MAP4K1: variants seen among roughly 807,000 people sequenced by gnomAD.
MAP4K1 encodes mitogen-activated protein kinase kinase kinase kinase 1.
MAP4K1 carries 35 observed loss-of-function variants against 122.8 expected under a neutral mutation model. That is an observed-to-expected ratio of 0.29 (90% CI 0.22 to 0.38). The LOEUF (loss-of-function observed/expected upper bound fraction) is 0.38, where lower values mean the gene tolerates loss of function less well. MAP4K1 is among the 10% of genes least tolerant of loss of function. The pLI is 1.00. For missense variants in MAP4K1, 791 were observed against 1,072.6 expected, an observed-to-expected ratio of 0.74 and a Z score of 3.67; for synonymous variants, 412 against 421.3, an observed-to-expected ratio of 0.98 and a Z score of 0.27.
At chr19:38,615,801 G>A (rs563468479) in intron 4 of MAP4K1, among the ~76,000 whole-genome samples, 1 of 152,160 alleles carries the variant, frequency 6.6e-6, no homozygotes, top group Admixed American at 6.6e-5. Flanking sequence ...GGGATTACAG[G>A]CGTCTGCCAC....
In MAP4K1 at chr19:38,612,605, G is replaced by T. The variant is rs1478580893; in HGVS notation, c.665+6C>A. ...CTCTGGGCCTGGGGACCCCACGCCTGCCTACCTGAGAGGGTGCACATCAAA... is the reference window on the plus strand; with the variant it reads ...CTCTGGGCCTGGGGACCCCACGCCTTCCTACCTGAGAGGGTGCACATCAAA... On this transcript the variant is annotated splice_donor_region_variant and intron_variant, in intron 9 of 30. Transcript: ENST00000396857. 2 of 1,611,378 alleles carry T rather than the reference G, an allele frequency of 1.2e-6. No homozygotes were observed. Among genetic ancestry groups the T allele is most frequent in the Non-Finnish European group, 1.7e-6 (2 of 1,179,528 alleles).
chr19:38,593,110 C>T (rs896274198), intron 30 of MAP4K1, among the ~76,000 whole-genome samples, 172 bp downstream of exon 30: 5 of 152,130 alleles, frequency 3.3e-5, no homozygotes, highest in African/African-American at 9.6e-5. Flanking sequence ...AAAGAGAGAA[C>T]GCCCCCGTGG....
At chr19:38,596,969 G>C in intron 25 of MAP4K1, 65 bp downstream of exon 25, 1 of 1,455,626 alleles carries the variant, frequency 6.9e-7, no homozygotes, top group Non-Finnish European at 9.6e-7. Flanking sequence ...TGATAGAAGC[G>C]CAAAGGGTGC....
At chr19:38,601,766 TATCCTAAATCATCAGC>T in intron 19 of MAP4K1, 1 of 485,982 alleles carries the variant, frequency 2.1e-6, no homozygotes, top group Non-Finnish European at 3.6e-6. Context: ...TTTCCTCCAC[TATCCTAAATCATCAGC>T]ATTTGTTTTT....
Position 38,611,124 on chromosome 19 carries a change from G to A in MAP4K1, c.737C>T (p.Ala246Val). 1 of 1,613,528 alleles carries A rather than the reference G, an allele frequency of 6.2e-7. No homozygotes were observed. The highest frequency in any genetic ancestry group is 8.5e-7 in the Non-Finnish European group (1 of 1,179,766). ...AGTGACTTTGATGAAGTTGTGGAAGGCAGCCGACCTTGGGAAGAAGAAGCC... is the reference window on the plus strand; with the variant it reads ...AGTGACTTTGATGAAGTTGTGGAAGACAGCCGACCTTGGGAAGAAGAAGCC... ...RLKEKGKWSA[A>V]FHNFIKVTLT... The change falls in exon 11 of 31, where the codon GCC becomes GTC. Residue 246 changes from alanine to valine, a missense_variant. Ala to Val is a moderately conservative substitution (Grantham distance 64). Around this residue, in one of 4 missense-constraint regions of MAP4K1, gnomAD observed 303 missense variants for 344.8 expected, o/e 0.88. Transcript: ENST00000396857.
intron 25 of MAP4K1, among the ~76,000 whole-genome samples, chr19:38,596,697 C>T (rs775059493): frequency 5.3e-5 from 8 of 152,162 alleles, no homozygotes; most frequent in Admixed American, 2.0e-4. Flanking sequence ...GGGCATGCCA[C>T]CTTGGCGGCA....
Position 38,597,382 on chromosome 19 carries a change from T to C in MAP4K1, c.1781A>G (p.Lys594Arg), listed in dbSNP as rs1568625365. 1 of 1,614,052 alleles carries C rather than the reference T, an allele frequency of 6.2e-7. No individual in the cohort carries two copies. The highest frequency in any genetic ancestry group is 1.3e-5 in the African/African-American group (1 of 75,030). ...HISPHRLLAR[K>R]NMVSTKIQDT... is the part of the protein sequence containing the mutation. The stretch of plus-strand genomic sequence containing the variant: ...CTGGATCTTGGTGGAAACCATGTTC[T>C]TCCTGGAGAATAGGTAGGTGTGAAG... The change falls in exon 24 of 31, where the codon AAG becomes AGG. Residue 594 changes from lysine to arginine, a missense_variant and splice_region_variant. By Grantham distance (26) the Lys-to-Arg change is conservative. Transcript: ENST00000396857. This position sits in a 1 kb window ranked among gnomAD's most constrained non-coding sequence, Gnocchi z 4.6.
chr19:38,603,295 CAT>C (rs565196023), intron 19 of MAP4K1, among the ~76,000 whole-genome samples: 243 of 145,312 alleles, frequency 1.7e-3, no homozygotes, highest in Middle Eastern at 3.8e-3. Flanking sequence ...TACACACACA[CAT>C]ACATGTATAC....
intron 30 of MAP4K1, among the ~76,000 whole-genome samples, chr19:38,589,937 G>A (rs1176253899): frequency 6.6e-6 from 1 of 151,966 alleles, no homozygotes. Flanking sequence ...GGTTGAGGTG[G>A]GAGGACTGAT....
chr19:38,603,191 TATACATATATACAC>T (rs1255973218), intron 19 of MAP4K1, among the ~76,000 whole-genome samples: 45 of 149,386 alleles, frequency 3.0e-4, no homozygotes, highest in African/African-American at 3.7e-4. Context: ...TATATACGCA[TATACATATATACAC>T]ATACATATAT....
chr19:38,612,570 T>C, intron 9 of MAP4K1, 41 bp downstream of exon 9: 3 of 1,598,574 alleles, frequency 1.9e-6, no homozygotes, highest in South Asian at 1.1e-5. Flanking sequence ...GGGCCAGGGC[T>C]AGACAGGATC....
chr19:38,591,227 G>A (rs1012224703), intron 30 of MAP4K1, among the ~76,000 whole-genome samples: 1 of 151,382 alleles, frequency 6.6e-6, no homozygotes, highest in East Asian at 1.9e-4. Context: ...AGGCAAATGC[G>A]GTTAAAAAGA....
intron 4 of MAP4K1, among the ~76,000 whole-genome samples, chr19:38,615,718 G>A (rs1284628448): frequency 6.6e-6 from 1 of 152,056 alleles, no homozygotes; most frequent in Non-Finnish European, 1.5e-5. Context: ...TTGAGGTCTA[G>A]GGCTGGAAGG....
intron 22 of MAP4K1, among the ~76,000 whole-genome samples, chr19:38,598,001 C>T (rs1195452410): frequency 6.6e-6 from 1 of 151,924 alleles, no homozygotes; most frequent in Non-Finnish European, 1.5e-5. Context: ...CTTGGTGTTT[C>T]CCCCAAAACT....
intron 16 of MAP4K1, among the ~76,000 whole-genome samples, chr19:38,606,620 C>T (rs975802099): frequency 6.6e-6 from 1 of 152,156 alleles, no homozygotes; most frequent in Non-Finnish European, 1.5e-5. Context: ...TGCACTCCTG[C>T]ACTTAGCCTT....
intron 30 of MAP4K1, among the ~76,000 whole-genome samples, chr19:38,590,049 A>AG (rs1273094389): frequency 1.3e-5 from 2 of 151,728 alleles, no homozygotes; most frequent in African/African-American, 4.8e-5. Context: ...AGAAAAAGGG[A>AG]GAAAAAAGCA....
intron 30 of MAP4K1, chr19:38,589,161 G>T (rs944105528): frequency 6.6e-6 from 1 of 152,124 alleles, no homozygotes; most frequent in South Asian, 2.0e-4. Flanking sequence ...GGGCAGGCCA[G>T]GTGCGTTGGC....
intron 19 of MAP4K1, 24 bp from the exon 20 acceptor site, chr19:38,601,549 G>C (rs548085669): frequency 6.4e-7 from 1 of 1,572,568 alleles, no homozygotes; most frequent in Non-Finnish European, 8.7e-7. Flanking sequence ...CGCGGGGCCA[G>C]GCAGCAGATC....
intron 19 of MAP4K1, among the ~76,000 whole-genome samples, chr19:38,603,233 C>T (rs933696459): frequency 2.1e-5 from 3 of 145,544 alleles, no homozygotes; most frequent in Non-Finnish European, 4.5e-5. Context: ...TACATATACA[C>T]ATATATATAC....
Sources: gnomAD v4.1 joint callset for allele counts (sites outside exome capture counted in the v4.1 genomes callset) on GRCh38, gnomAD v4.1.1 for gene constraint, gnomAD v4.1.1 regional missense constraint, Gnocchi (gnomAD v3.1) non-coding constraint, MANE v1.5 for transcripts, NCBI Gene and HGNC (gene_info 2026-07-23, HGNC 2026-07-21) for gene names.